The following TMEM201 variants were observed in gnomAD, a reference collection of about 807,000 sequenced individuals.
TMEM201 encodes transmembrane protein 201, also known as RP13-15M17.2.
Under a neutral mutation model 63.4 loss-of-function variants are expected in TMEM201, and 26 were observed. That is an observed-to-expected ratio of 0.41 (90% CI 0.30 to 0.57). The LOEUF is 0.57. Ranked by LOEUF, TMEM201 falls within the 20% of genes least tolerant of loss-of-function variation. The pLI, the probability that TMEM201 is intolerant of heterozygous loss-of-function variation, is 0.29. For missense variants in TMEM201, 794 were observed against 917.7 expected (o/e 0.87, Z 1.74); for synonymous variants, 417 against 421.6 (o/e 0.99, Z 0.14).
In TMEM201 at chr1:9,601,308, C is replaced by A. The variant is rs1191543628; in HGVS notation, c.810C>A (p.Gly270=). 1 of 1,609,744 alleles carries A rather than the reference C, an allele frequency of 6.2e-7. No homozygotes were observed. Among genetic ancestry groups the A allele is most frequent in the African/African-American group, 1.3e-5 (1 of 74,940 alleles). ...PDNGTTPGAE[G]WRQLLGLLPE... is the part of the protein sequence containing the mutation. ...ATGGCACCACCCCTGGGGCCGAGGG[C>A]TGGCGGCAGTTGCTGGGCCTACTCC... Residue 270 remains glycine, a synonymous_variant, in exon 5 of 11, where the codon GGC becomes GGA. Coordinates refer to ENST00000340381, the MANE Select transcript of TMEM201 (RefSeq NM_001130924.3).
intron 1 of TMEM201, among the ~76,000 whole-genome samples, chr1:9,592,639 T>G (rs1012711349): frequency 4.1e-5 from 5 of 121,314 alleles, no homozygotes; most frequent in African/African-American, 1.3e-4. Context: ...TTTCAATACA[T>G]GTCCGTGCTC....
rs1295696145 is a variant in TMEM201 at position 9,605,978 on chromosome 1, C to T, written c.1161-1579C>T. Among the ~76,000 whole-genome samples, 1 of 152,122 alleles carries T rather than the reference C, an allele frequency of 6.6e-6. No homozygotes were observed. The highest frequency in any genetic ancestry group is 1.5e-5 in the Non-Finnish European group (1 of 68,000). ...TGACTCTTGGCTATGTCTGTGCTGC[C>T]GGGCAGGGTGGGCACAGGAAGCCTA... On this transcript the variant is annotated intron_variant, in intron 6 of 10. Transcript: ENST00000340381. The surrounding 1 kb of genome is among the most constrained non-coding windows in gnomAD (Gnocchi z 5.7).
At position 9,607,908 on chromosome 1, in the gene TMEM201, G is replaced by A; in HGVS notation, c.1393+119G>A. The A allele has an allele frequency of 1.0e-6, 1 of 964,286 alleles. No individual in the cohort carries two copies. Among genetic ancestry groups the A allele is most frequent in the Non-Finnish European group, 1.5e-6 (1 of 660,404 alleles). 59.7% of individuals were successfully genotyped at this position (964,286 alleles called of 1,614,324 possible). On this transcript the variant is annotated intron_variant, in intron 7 of 10. Coordinates refer to ENST00000340381, the MANE Select transcript of TMEM201 (RefSeq NM_001130924.3). The surrounding 1 kb of genome is among the most constrained non-coding windows in gnomAD (Gnocchi z 5.4). ...GGTTAGTGTTCCTGCTGCAGAGACAGGCAGCACAGAGCTTTGAGCCTCAGT... is the reference window on the plus strand; with the variant it reads ...GGTTAGTGTTCCTGCTGCAGAGACAAGCAGCACAGAGCTTTGAGCCTCAGT...
chr1:9,594,999 AG>A (rs1319539515), intron 1 of TMEM201, among the ~76,000 whole-genome samples: 2 of 151,862 alleles, frequency 1.3e-5, no homozygotes, highest in African/African-American at 4.9e-5. Flanking sequence ...CTCGAGCTGG[AG>A]GTGGCCCCTG....
intron 4 of TMEM201, 80 bp from the exon 5 acceptor site, chr1:9,601,025 C>G (rs1490969512): frequency 1.5e-6 from 2 of 1,308,374 alleles, no homozygotes; most frequent in African/African-American, 2.9e-5. Context: ...TGGCCAGAAC[C>G]CCGCACAGAC....
rs1644263420 is a variant in TMEM201 at position 9,607,543 on chromosome 1, A to G, written c.1161-14A>G. ...TGACCCTCTTCTTGTCCCGTGCCTG[A>G]CGGGCCCTTGCAGGTTCTTCCCAGG... is the stretch of plus-strand genomic sequence containing the variant. On this transcript the variant is annotated splice_polypyrimidine_tract_variant and intron_variant, in intron 6 of 10. Coordinates refer to ENST00000340381, the MANE Select transcript of TMEM201 (RefSeq NM_001130924.3). This position sits in a 1 kb window ranked among gnomAD's most constrained non-coding sequence, Gnocchi z 5.4. 1 of 1,539,136 alleles carries G rather than the reference A, an allele frequency of 6.5e-7. No homozygotes were observed. Among genetic ancestry groups the G allele is most frequent in the African/African-American group, 1.4e-5 (1 of 72,860 alleles).
chr1:9,608,557 C>G lies in TMEM201; in HGVS notation c.1393+768C>G, dbSNP rs1644278933. On this transcript the variant is annotated intron_variant, in intron 7 of 10. Transcript: ENST00000340381. The surrounding 1 kb of genome is among the most constrained non-coding windows in gnomAD (Gnocchi z 4.3). ...CAGAGATACCCCCCTATTTTCAGGG[C>G]ACCCCAGCCTGGTGGCACTTGAATG... is the stretch of plus-strand genomic sequence containing the variant. Among the ~76,000 whole-genome samples the G allele has an allele frequency of 6.6e-6, 1 of 152,198 alleles. No homozygotes were observed. Among genetic ancestry groups the G allele is most frequent in the Admixed American group, 6.5e-5 (1 of 15,286 alleles).
intron 6 of TMEM201, among the ~76,000 whole-genome samples, chr1:9,606,011 G>T (rs527387543): frequency 1.3e-5 from 2 of 152,326 alleles, no homozygotes; most frequent in South Asian, 4.1e-4. Context: ...CTAGCGCAGA[G>T]CCCTGCCCCA....
At chr1:9,602,370 T>A (rs1644161488) in intron 6 of TMEM201, 98 bp downstream of exon 6, 1 of 1,522,086 alleles carries the variant, frequency 6.6e-7, no homozygotes, top group Admixed American at 2.0e-5. Context: ...CCTGCCTCTT[T>A]TCACCTGCTC....
In TMEM201 at chr1:9,603,239, G is replaced by C; in HGVS notation, c.1160+967G>C. ...ACCTGCTCCTCAGTAGCAGGGCCTG[G>C]CCAGGCCCCTGCTGTTCTCAGCCTC... On this transcript the variant is annotated intron_variant, in intron 6 of 10. Coordinates refer to ENST00000340381, the MANE Select transcript of TMEM201 (RefSeq NM_001130924.3). The surrounding 1 kb of genome is among the most constrained non-coding windows in gnomAD (Gnocchi z 4.5). 8.1e-6 allele frequency: 8 copies of C among 985,388 alleles called. No individual in the cohort carries two copies. Among genetic ancestry groups the C allele is most frequent in the Non-Finnish European group, 9.6e-6 (8 of 829,916 alleles). The allele number at this position is 985,388 out of a possible 1,614,324, so 61.0% of individuals were successfully genotyped here.
At position 9,598,641 on chromosome 1, in the gene TMEM201, C is replaced by G. The variant is rs1254813717; in HGVS notation, c.606+16C>G. The G allele has an allele frequency of 1.9e-6, 3 of 1,608,616 alleles. No individual in the cohort carries two copies. The highest frequency in any genetic ancestry group is 2.5e-6 in the Non-Finnish European group (3 of 1,176,842). On this transcript the variant is annotated intron_variant, in intron 4 of 10. Transcript: ENST00000340381. ...CCACGCACAGGTGAGAGGCGGCATC[C>G]ACAGGGCGGGGGTGGGGGTGTTGAG...
At chr1:9,592,995 A>C (rs921469738) in intron 1 of TMEM201, among the ~76,000 whole-genome samples, 4 of 152,154 alleles carry the variant, frequency 2.6e-5, no homozygotes, top group African/African-American at 9.7e-5. Context: ...CGTTACCTCA[A>C]ACCTTGCCCA....
intron 6 of TMEM201, chr1:9,602,663 G>A: frequency 8.8e-7 from 1 of 1,138,010 alleles, no homozygotes; most frequent in South Asian, 2.2e-5. Flanking sequence ...ACACTGTTGG[G>A]TGAGGGTCCT....
rs921740201 is a variant in TMEM201 at position 9,603,435 on chromosome 1, G to A, written c.1160+1163G>A. On this transcript the variant is annotated intron_variant, in intron 6 of 10. Transcript: ENST00000340381. The surrounding 1 kb of genome is among the most constrained non-coding windows in gnomAD (Gnocchi z 4.5). ...GGGGCTTTATCCAGGGGTCCCAGTC[G>A]AGAGTGGCCCGAGGCCGTCCCTCAC... is the stretch of plus-strand genomic sequence containing the variant. 12 of 985,344 alleles carry A rather than the reference G, an allele frequency of 1.2e-5. No homozygotes were observed. The African/African-American group carries it at 1.2e-4, about 10-fold the overall frequency. The allele number at this position is 985,344 out of a possible 1,614,324, so 61.0% of individuals were successfully genotyped here. A position where few individuals can be genotyped will look rare whatever the true frequency, so the allele number is the denominator to read the frequency against.
intron 1 of TMEM201, among the ~76,000 whole-genome samples, chr1:9,594,720 G>C (rs1643984010): frequency 1.3e-5 from 2 of 152,234 alleles, no homozygotes; most frequent in African/African-American, 4.8e-5. Flanking sequence ...GTTAGCGACA[G>C]AGCTGGCTCT....
rs1569948360 is a variant in TMEM201 at position 9,604,964 on chromosome 1, G to A, written c.1161-2593G>A. 4.1e-6 allele frequency: 4 copies of A among 985,894 alleles called. No homozygotes were observed. The highest frequency in any genetic ancestry group is 6.1e-5 in the Admixed American group (1 of 16,294). 61.1% of individuals were successfully genotyped at this position (985,894 alleles called of 1,614,324 possible). ...CCCTGCTTTTACCCGCTGGCGTCAG[G>A]TGCCGCGTCTTTCTTCTTTTTTCTT... On this transcript the variant is annotated intron_variant, in intron 6 of 10. Coordinates refer to ENST00000340381, the MANE Select transcript of TMEM201 (RefSeq NM_001130924.3). This position sits in a 1 kb window ranked among gnomAD's most constrained non-coding sequence, Gnocchi z 4.1.
Position 9,610,820 on chromosome 1 carries a change from C to G in TMEM201, c.1765+15C>G. On this transcript the variant is annotated intron_variant, in intron 9 of 10. Transcript: ENST00000340381. This position sits in a 1 kb window ranked among gnomAD's most constrained non-coding sequence, Gnocchi z 4.9. Reference sequence around the variant, plus strand: ...GCACGCCCTGGGTACGGCCTTCTGACCACCCCAAGGGGCCGTGGGAGGGCC... The same window carrying G: ...GCACGCCCTGGGTACGGCCTTCTGAGCACCCCAAGGGGCCGTGGGAGGGCC... The G allele has an allele frequency of 6.5e-7, 1 of 1,528,616 alleles. No individual in the cohort carries two copies. Among genetic ancestry groups the G allele is most frequent in the Non-Finnish European group, 8.8e-7 (1 of 1,133,472 alleles). The allele number at this position is 1,528,616 out of a possible 1,614,324, so 94.7% of individuals were successfully genotyped here. A position where few individuals can be genotyped will look rare whatever the true frequency, so the allele number is the denominator to read the frequency against.
rs912635837 is a variant in TMEM201, at chr1:9,613,470, A to G, written c.*387A>G. The G allele has an allele frequency of 2.6e-5, 7 of 271,026 alleles. No homozygotes were observed. In the South Asian group the frequency reaches 3.9e-4, roughly 15 times the overall value. The allele number at this position is 271,026 out of a possible 1,614,324, so 16.8% of individuals were successfully genotyped here. A position where few individuals can be genotyped will look rare whatever the true frequency, so the allele number is the denominator to read the frequency against. On this transcript the variant is annotated 3_prime_UTR_variant, in exon 11 of 11. Transcript: ENST00000340381. ...GCTGCCCGGCCTGCCTTCTGGCCCC[A>G]CGCCCACAGGCGTAGTCACATCTTT...
chr1:9,598,338 G>C, intron 3 of TMEM201, 111 bp from the exon 4 acceptor site: 1 of 1,327,526 alleles, frequency 7.5e-7, no homozygotes, highest in Non-Finnish European at 1.0e-6. Context: ...ACTTGCCCCC[G>C]GTCATCCCCT....
Sources: allele counts gnomAD v4.1 joint callset (sites outside exome capture counted in the v4.1 genomes callset), GRCh38; gene constraint gnomAD v4.1.1; non-coding constraint Gnocchi (gnomAD v3.1); transcripts MANE v1.5; gene names NCBI Gene and HGNC (gene_info 2026-07-23, HGNC 2026-07-21).